The following SPEF2 variants were observed in gnomAD, a reference collection of about 807,000 sequenced individuals.
SPEF2 encodes the protein sperm flagellar and cilia associated 2, also known as sperm flagella and cilia-associated protein 2.
In SPEF2, 187 loss-of-function variants were observed where a neutral mutation model predicts 224.6. The observed-to-expected ratio is 0.83, with a 90% CI of 0.74 to 0.94. The LOEUF (loss-of-function observed/expected upper bound fraction) is 0.94, where lower values mean the gene tolerates loss of function less well. Among genes scored for constraint, SPEF2 ranks in the 40% least tolerant of loss-of-function variants. SPEF2 has a pLI of 0.00. For synonymous variants in SPEF2, 715 were observed against 707.3 expected, an observed-to-expected ratio of 1.01 and a Z score of -0.17; for missense variants, 2,170 against 2,135.6, an observed-to-expected ratio of 1.02 and a Z score of -0.32.
intron 16 of SPEF2, among the ~76,000 whole-genome samples, chr5:35,703,879 TA>T (rs1046586826): frequency 6.6e-6 from 1 of 152,218 alleles, no homozygotes; most frequent in African/African-American, 2.4e-5. Context: ...CGAACTCTAT[TA>T]ATTTGCTATT....
chr5:35,632,440 G>A (rs1430449652), intron 2 of SPEF2, among the ~76,000 whole-genome samples: 2 of 152,064 alleles, frequency 1.3e-5, no homozygotes, highest in Admixed American at 6.5e-5. Flanking sequence ...ACCAACATGG[G>A]GGAAGCTGTC....
chr5:35,766,397 A>G (rs1342733321), intron 26 of SPEF2, among the ~76,000 whole-genome samples: 1 of 151,906 alleles, frequency 6.6e-6, no homozygotes, highest in African/African-American at 2.4e-5. Flanking sequence ...GGTAGATATT[A>G]TTTTGCTAAG....
intron 24 of SPEF2, among the ~76,000 whole-genome samples, chr5:35,755,312 T>A (rs1014168530): frequency 6.6e-6 from 1 of 152,196 alleles, no homozygotes; most frequent in Non-Finnish European, 1.5e-5. Flanking sequence ...AAAAATCAAG[T>A]ATTATAAACA....
intron 34 of SPEF2, among the ~76,000 whole-genome samples, chr5:35,805,150 T>C (rs1757903258): frequency 6.6e-6 from 1 of 152,196 alleles, no homozygotes; most frequent in South Asian, 2.1e-4. Flanking sequence ...TATATAAATA[T>C]GTATATTTGA....
chr5:35,674,553 G>A (rs1226534194), intron 10 of SPEF2, among the ~76,000 whole-genome samples: 3 of 116,170 alleles, frequency 2.6e-5, no homozygotes, highest in South Asian at 2.7e-4. Context: ...ACAGGCCCTC[G>A]TGTGTGATGT....
chr5:35,795,151 A>G (rs971257586), intron 32 of SPEF2, among the ~76,000 whole-genome samples: 2 of 152,222 alleles, frequency 1.3e-5, no homozygotes, highest in Non-Finnish European at 2.9e-5. Flanking sequence ...TGTCAGTTAT[A>G]CACTGAGACA....
At chr5:35,787,743 A>G in intron 30 of SPEF2, 1 of 509,678 alleles carries the variant, frequency 2.0e-6, no homozygotes, top group South Asian at 4.1e-5. Flanking sequence ...AATGCCTGGT[A>G]ATTAATAAGC....
At chr5:35,770,763 G>A (rs375697898) in intron 26 of SPEF2, among the ~76,000 whole-genome samples, 1 of 152,152 alleles carries the variant, frequency 6.6e-6, no homozygotes, top group Non-Finnish European at 1.5e-5. Flanking sequence ...CCCCGTGGGT[G>A]GGAAAGGACA....
chr5:35,698,086 A>G (rs1235147948), intron 15 of SPEF2: 1 of 200,258 alleles, frequency 5.0e-6, no homozygotes, highest in African/African-American at 2.3e-5. Context: ...CAAGGGAAAG[A>G]CTCAATTGTG....
intron 2 of SPEF2, among the ~76,000 whole-genome samples, chr5:35,639,860 T>C (rs1479664492): frequency 6.6e-6 from 1 of 152,040 alleles, no homozygotes; most frequent in Non-Finnish European, 1.5e-5. Flanking sequence ...AGAGCAAAGA[T>C]GTCCCAGTGG....
chr5:35,627,901 G>A (rs1425474712), intron 1 of SPEF2, among the ~76,000 whole-genome samples: 3 of 152,080 alleles, frequency 2.0e-5, no homozygotes, highest in Non-Finnish European at 4.4e-5. Context: ...TAATTGCATA[G>A]GACAATAACT....
In SPEF2 at chr5:35,793,309, T is replaced by A. The variant is rs1203706489; in HGVS notation, c.4705T>A (p.Leu1569Met). The A allele has an allele frequency of 1.9e-6, 3 of 1,613,964 alleles. No individual in the cohort carries two copies. The highest frequency in any genetic ancestry group is 2.2e-5 in the South Asian group (2 of 91,048). Residue 1569 changes from leucine (L) to methionine (M), a missense_variant, in exon 32 of 37, where the codon TTG (leucine) becomes ATG (methionine). Transcript: ENST00000356031. Reference protein sequence around the residue: ...QKFKAVDKEQLGTITFEQYMQ... With the variant: ...QKFKAVDKEQMGTITFEQYMQ... ...GTTCAAGGCTGTGGATAAGGAGCAG[T>A]TGGGCACCATCACTTTTGAGCAGTA...
chr5:35,787,734 A>G, intron 30 of SPEF2: 1 of 511,908 alleles, frequency 2.0e-6, no homozygotes, highest in Non-Finnish European at 3.4e-6. Context: ...ACTTAACAGA[A>G]TGCCTGGTAA....
At position 35,753,898 on chromosome 5, in the gene SPEF2, C is replaced by T. The variant is rs1420215680; in HGVS notation, c.3468+137C>T. ...GGTATAGCACTATGCCTGGTATGAG[C>T]TCCAACTCACCAAAAAAGCTAGCCG... is the stretch of plus-strand genomic sequence containing the variant. On this transcript the variant is annotated intron_variant, in intron 24 of 36. Coordinates refer to ENST00000356031, the MANE Select transcript of SPEF2 (RefSeq NM_024867.4). The T allele has an allele frequency of 5.8e-6, 6 of 1,038,472 alleles. No individual in the cohort carries two copies. In the African/African-American group the frequency reaches 9.5e-5, roughly 17 times the overall value. 64.3% of individuals were successfully genotyped at this position (1,038,472 alleles called of 1,614,324 possible).
intron 9 of SPEF2, 59 bp downstream of exon 9, chr5:35,667,318 T>A (rs1160665975): frequency 7.2e-7 from 1 of 1,381,550 alleles, no homozygotes; most frequent in Admixed American, 2.3e-5. Flanking sequence ...AAGGATAAGA[T>A]TGTAAAATAG....
At position 35,694,325 on chromosome 5, in the gene SPEF2, A is replaced by G; in HGVS notation, c.1937A>G (p.Asp646Gly). 6.2e-7 allele frequency: 1 copy of G among 1,613,618 alleles called. No homozygotes were observed. Among genetic ancestry groups the G allele is most frequent in the Non-Finnish European group, 8.5e-7 (1 of 1,179,738 alleles). ...QHVFSAGPVSDEVLPETEGET... is the reference protein window; with the variant it reads ...QHVFSAGPVSGEVLPETEGET... ...GTATTTTCAGCTGGTCCAGTTTCAG[A>G]TGAAGTATTACCAGAAACAGAAGGT... is the stretch of plus-strand genomic sequence containing the variant. The change falls in exon 13 of 37, where the codon GAT (aspartate) becomes GGT (glycine). Residue 646 changes from aspartate to glycine, a missense_variant. Transcript: ENST00000356031.
chr5:35,694,419 G>A, intron 13 of SPEF2, 56 bp downstream of exon 13: 1 of 1,436,378 alleles, frequency 7.0e-7, no homozygotes, highest in African/African-American at 1.4e-5. Context: ...AACAATGAGA[G>A]CACATATATG....
intron 20 of SPEF2, among the ~76,000 whole-genome samples, chr5:35,722,755 G>A (rs560948397): frequency 4.1e-5 from 6 of 147,732 alleles, no homozygotes; most frequent in Non-Finnish European, 8.9e-5. Flanking sequence ...TTGTTCTTGC[G>A]ATAGTTTACT....
chr5:35,797,330 G>C (rs202045218), intron 33 of SPEF2, among the ~76,000 whole-genome samples: 45,791 of 149,214 alleles, frequency 0.31, 7,763 homozygotes, highest in East Asian at 0.61. Flanking sequence ...GTGTGTGTGT[G>C]TGTGTGTGTG....
Sources: allele counts gnomAD v4.1 joint callset (sites outside exome capture counted in the v4.1 genomes callset), GRCh38; gene constraint gnomAD v4.1.1; transcripts MANE v1.5; gene names NCBI Gene and HGNC (gene_info 2026-07-23, HGNC 2026-07-21).